Variants in DIAPH2 observed in about 807,000 individuals in gnomAD.
DIAPH2 encodes protein diaphanous homolog 2.
DIAPH2 carries 35 observed loss-of-function variants against 92.7 expected under a neutral mutation model. The ratio of observed to expected loss-of-function variants is 0.38; its 90% CI spans 0.29 to 0.50. DIAPH2 has a LOEUF of 0.50. Ranked by LOEUF, DIAPH2 falls within the 20% of genes least tolerant of loss-of-function variation. The pLI is 0.94. For missense variants in DIAPH2, 701 were observed against 819.5 expected (o/e 0.86, Z 1.77); for synonymous variants, 301 against 280.4 (o/e 1.07, Z -0.73).
chrX:96,976,260 C>A (rs1291160879), intron 17 of DIAPH2, among the ~76,000 whole-genome samples: 1 of 106,226 alleles, frequency 9.4e-6, no homozygotes, highest in Admixed American at 1.0e-4. Context: ...TGCACTCCAG[C>A]CTGGGCGACA....
In DIAPH2 at chrX:96,881,713, G is replaced by A. The variant is rs201709490; in HGVS notation, c.582G>A (p.Pro194=). The A allele has an allele frequency of 1.2e-4, 145 of 1,204,285 alleles. No homozygotes were observed. The highest frequency in any genetic ancestry group is 1.5e-4 in the Non-Finnish European group (137 of 892,866). Residue 194 remains proline (P), a synonymous_variant, in exon 5 of 27, where the codon CCG becomes CCA. Coordinates refer to ENST00000324765, the MANE Select transcript of DIAPH2 (RefSeq NM_006729.5). The stretch of plus-strand genomic sequence containing the variant: ...TCAGGGTTTCTTTAACCAGCAATCC[G>A]GTCAGGTAAGTCGTTCTTATCATTT... ...ESLRVSLTSN[P]VSWVNNFGHE...
intron 4 of DIAPH2, among the ~76,000 whole-genome samples, chrX:96,816,259 T>C (rs1274785598): frequency 1.8e-5 from 2 of 112,090 alleles, no homozygotes; most frequent in Non-Finnish European, 3.8e-5. Context: ...TTTCTCCTCT[T>C]GGCTACAATG....
Position 97,412,445 on chromosome X carries a change from A to G in DIAPH2, c.3146-17205A>G, listed in dbSNP as rs1292692637. 5.3e-5 allele frequency among the ~76,000 whole-genome samples: 6 copies of G among 112,274 alleles called. No individual in the cohort carries two copies. In the East Asian group the frequency reaches 1.7e-3, roughly 31 times the overall value. On this transcript the variant is annotated intron_variant, in intron 25 of 26. Transcript: ENST00000324765. ...TTATAGCACTAAATGCCCACAAGAGAAAGCAGGAAACATCTAAAATCAACA... is the reference window on the plus strand; with the variant it reads ...TTATAGCACTAAATGCCCACAAGAGGAAGCAGGAAACATCTAAAATCAACA...
intron 17 of DIAPH2, among the ~76,000 whole-genome samples, chrX:96,981,999 G>A (rs1428752292): frequency 2.7e-5 from 3 of 111,701 alleles, no homozygotes; most frequent in Non-Finnish European, 3.8e-5. Context: ...CAGTAAAAAT[G>A]TACCCACAAA....
chrX:97,362,941 G>A (rs1384594756), intron 24 of DIAPH2, among the ~76,000 whole-genome samples: 1 of 111,989 alleles, frequency 8.9e-6, no homozygotes, highest in Non-Finnish European at 1.9e-5. Context: ...TAAAATTCAG[G>A]GATCACTGAG....
intron 4 of DIAPH2, among the ~76,000 whole-genome samples, chrX:96,772,039 A>G (rs1455487279): frequency 9.2e-6 from 1 of 109,076 alleles, no homozygotes; most frequent in Non-Finnish European, 1.9e-5. Flanking sequence ...CCCTGTCTCA[A>G]AAAAAAAAAG....
chrX:97,386,118 A>G (rs1034367264), intron 25 of DIAPH2, among the ~76,000 whole-genome samples: 1 of 112,406 alleles, frequency 8.9e-6, no homozygotes, highest in Admixed American at 9.4e-5. Context: ...AAACATTTTC[A>G]GGAATTGACT....
At chrX:97,417,795 C>G (rs1487028745) in intron 25 of DIAPH2, among the ~76,000 whole-genome samples, 1 of 111,242 alleles carries the variant, frequency 9.0e-6, no homozygotes, top group African/African-American at 3.3e-5. Flanking sequence ...CCCCTCTGCC[C>G]CTGCCCCAGT....
In DIAPH2 at chrX:97,551,801, C is replaced by T. The variant is rs188688612; in HGVS notation, c.3242-47452C>T. Among the ~76,000 whole-genome samples, 862 of 110,804 alleles carry T rather than the reference C, an allele frequency of 7.8e-3. 3 individuals are homozygous for T. The highest frequency in any genetic ancestry group is 0.026 in the African/African-American group (805 of 30,486). ...TCCCATACTGGCTATTTACATATAA[C>T]TTAATTCATAAGACTTTTAAGAAAT... On this transcript the variant is annotated intron_variant, in intron 26 of 26. Coordinates refer to ENST00000324765, the MANE Select transcript of DIAPH2 (RefSeq NM_006729.5).
chrX:97,429,737 G>A lies in DIAPH2; in HGVS notation c.3233G>A (p.Arg1078Lys). ...AFRDRRKRIP[R>K]NPDNRRVPLE... ...AGAGACCGTCGAAAGCGGATTCCAA[G>A]GAATCCAGGTAAAACACATTCCACC... is the stretch of plus-strand genomic sequence containing the variant. Residue 1078 changes from arginine (R) to lysine (K), a missense_variant, in exon 26 of 27, where the codon AGG becomes AAG. Physicochemically the swap from Arg to Lys is conservative, Grantham distance 26. This residue lies in a region of DIAPH2 where 536 missense variants were observed against 599.3 expected (regional missense o/e 0.89). Transcript: ENST00000324765. 8.3e-7 allele frequency: 1 copy of A among 1,206,982 alleles called. No homozygotes were observed. The highest frequency in any genetic ancestry group is 1.1e-6 in the Non-Finnish European group (1 of 893,515).
chrX:97,232,265 C>T (rs990622678), intron 22 of DIAPH2, among the ~76,000 whole-genome samples: 5 of 111,612 alleles, frequency 4.5e-5, no homozygotes, highest in Admixed American at 2.9e-4. Flanking sequence ...GACAGAGTCT[C>T]GCTCTGTCAC....
chrX:97,164,310 G>C (rs1251855548), intron 22 of DIAPH2, among the ~76,000 whole-genome samples: 3 of 111,701 alleles, frequency 2.7e-5, no homozygotes, highest in Non-Finnish European at 5.6e-5. Flanking sequence ...TGTTCTGACA[G>C]GTCATACAAC....
intron 17 of DIAPH2, among the ~76,000 whole-genome samples, chrX:97,016,427 C>A (rs2066260962): frequency 9.0e-6 from 1 of 111,710 alleles, no homozygotes; most frequent in Non-Finnish European, 1.9e-5. Flanking sequence ...TGAAAAAAAT[C>A]AAATAAAATT....
intron 24 of DIAPH2, among the ~76,000 whole-genome samples, chrX:97,354,787 C>G (rs1192719448): frequency 3.5e-5 from 4 of 112,769 alleles, no homozygotes; most frequent in Non-Finnish European, 7.5e-5. Flanking sequence ...TTAGATTGAA[C>G]TCTTCTCCCA....
At chrX:96,962,505 A>ATATACATATATATGTG (rs2065870447) in intron 16 of DIAPH2, among the ~76,000 whole-genome samples, 4 of 81,584 alleles carry the variant, frequency 4.9e-5, no homozygotes, top group Non-Finnish European at 9.3e-5. Flanking sequence ...ACATATATAT[A>ATATACATATATATGTG]TATATATATA....
chrX:97,545,061 C>G (rs1198337712), intron 26 of DIAPH2, among the ~76,000 whole-genome samples: 1 of 110,286 alleles, frequency 9.1e-6, no homozygotes, highest in African/African-American at 3.3e-5. Flanking sequence ...ATATTTTCCC[C>G]TACTCCTCTC....
intron 23 of DIAPH2, among the ~76,000 whole-genome samples, chrX:97,272,904 C>T (rs903417841): frequency 1.8e-5 from 2 of 111,830 alleles, no homozygotes; most frequent in African/African-American, 6.5e-5. Context: ...GTGTGTAATC[C>T]CAGCACTTTG....
intron 23 of DIAPH2, among the ~76,000 whole-genome samples, chrX:97,286,340 C>T (rs371110757): frequency 1.8e-5 from 2 of 110,681 alleles, no homozygotes; most frequent in East Asian, 2.8e-4. Context: ...TGAGCCACCG[C>T]GCCTGGCCCA....
In DIAPH2 at chrX:96,856,797, G is replaced by A. The variant is rs1191707980; in HGVS notation, c.448-24782G>A. Among the ~76,000 whole-genome samples the A allele has an allele frequency of 7.2e-5, 8 of 110,715 alleles. No individual in the cohort carries two copies. In the East Asian group the frequency reaches 2.3e-3, roughly 31 times the overall value. ...CATCCCTGTAATCCCAGCACTTGGG[G>A]AGGCCGAGGTGGGCGGATCACTTGA... On this transcript the variant is annotated intron_variant, in intron 4 of 26. Coordinates refer to ENST00000324765, the MANE Select transcript of DIAPH2 (RefSeq NM_006729.5).
Sources: gnomAD v4.1 joint callset for allele counts (sites outside exome capture counted in the v4.1 genomes callset) on GRCh38, gnomAD v4.1.1 for gene constraint, gnomAD v4.1.1 regional missense constraint, MANE v1.5 for transcripts, NCBI Gene and HGNC (gene_info 2026-07-23, HGNC 2026-07-21) for gene names.